The following TONSL variants were observed in gnomAD, a reference collection of about 807,000 sequenced individuals.
TONSL encodes the protein tonsoku-like protein.
TONSL carries 112 observed loss-of-function variants against 147.1 expected under a neutral mutation model. The ratio of observed to expected loss-of-function variants is 0.76; its 90% CI spans 0.65 to 0.89. The LOEUF (loss-of-function observed/expected upper bound fraction) is 0.89. TONSL is among the 40% of genes least tolerant of loss of function. TONSL has a pLI of 0.00. For missense variants in TONSL, 1,883 were observed against 1,864.6 expected (o/e 1.01, Z -0.18); for synonymous variants, 868 against 801.5 (o/e 1.08, Z -1.40).
intron 13 of TONSL, 169 bp downstream of exon 13, chr8:144,438,302 A>G (rs1328490552): frequency 4.6e-6 from 3 of 651,534 alleles, no homozygotes; most frequent in Non-Finnish European, 8.0e-6. Context: ...CCCTCCCAGG[A>G]TGAAGTGATC....
At chr8:144,439,469 C>G (rs1382086542) in intron 11 of TONSL, among the ~76,000 whole-genome samples, 2 of 152,174 alleles carry the variant, frequency 1.3e-5, no homozygotes, top group Admixed American at 6.5e-5. Context: ...GGAACACCCC[C>G]CAACAGGCCT....
Position 144,432,408 on chromosome 8 carries a change from AG to A in TONSL, c.3611del (p.Pro1204LeufsTer18), listed in dbSNP as rs782628825. Reference sequence around the variant, plus strand: ...GGCTCTGCAGGGTCCTGGCCAGGGCAGGGGCTCCCAGGGCGTTGTAGGACAG... The same window carrying A: ...GGCTCTGCAGGGTCCTGGCCAGGGCAGGGCTCCCAGGGCGTTGTAGGACAG... Reference protein sequence around the residue: ...LSLSYNALGAPALARTLQSLP... With the variant: ...LSLSYNALGAXALARTLQSLP... On this transcript the variant is annotated frameshift_variant, in exon 23 of 26. Transcript: ENST00000409379. LOFTEE classifies it high-confidence loss of function. 7 of 1,589,860 alleles carry A rather than the reference AG, an allele frequency of 4.4e-6. No homozygotes were observed. The Admixed American group carries it at 1.3e-4, about 29-fold the overall frequency.
intron 22 of TONSL, chr8:144,432,941 G>T (rs1490734681): frequency 6.4e-6 from 1 of 155,402 alleles, no homozygotes; most frequent in South Asian, 2.0e-4. Context: ...TGCTCTCGGT[G>T]TGTCCTGCGG....
At position 144,433,708 on chromosome 8, in the gene TONSL, G is replaced by A. The variant is rs1554879247; in HGVS notation, c.3439C>T (p.Gln1147Ter). 6.2e-7 allele frequency: 1 copy of A among 1,609,022 alleles called. No homozygotes were observed. Among genetic ancestry groups the A allele is most frequent in the Non-Finnish European group, 8.5e-7 (1 of 1,178,192 alleles). ...SMNPLGDGCGQSLASLLHACP... is the reference protein window; with the variant it reads ...SMNPLGDGCG ...GCGTGCAGGAGGGAGGCCAGGGACTGGCCACAGCCGTCCCCCAGGGGGTTC... is the reference window on the plus strand; with the variant it reads ...GCGTGCAGGAGGGAGGCCAGGGACTAGCCACAGCCGTCCCCCAGGGGGTTC... The change falls in exon 22 of 26, where the codon CAG (glutamine) becomes TAG (stop). Residue 1147 changes from glutamine (Q) to a stop codon, truncating the protein, a stop_gained. Transcript: ENST00000409379. LOFTEE classifies it high-confidence loss of function.
chr8:144,428,930 C>G lies in TONSL; in HGVS notation c.*213G>C. 2.0e-6 allele frequency: 1 copy of G among 502,314 alleles called. No individual in the cohort carries two copies. The highest frequency in any genetic ancestry group is 2.9e-5 in the South Asian group (1 of 34,390). The allele number at this position is 502,314 out of a possible 1,614,324, so 31.1% of individuals were successfully genotyped here. A position where few individuals can be genotyped will look rare whatever the true frequency, so the allele number is the denominator to read the frequency against. ...TCAGCCTCCGGAGTAGCTGGGACTACAGGCTTCCACCACCACGCCCGGCTA... is the reference window on the plus strand; with the variant it reads ...TCAGCCTCCGGAGTAGCTGGGACTAGAGGCTTCCACCACCACGCCCGGCTA... On this transcript the variant is annotated 3_prime_UTR_variant, in exon 26 of 26. Transcript: ENST00000409379.
chr8:144,444,108 C>A, intron 2 of TONSL, 72 bp downstream of exon 2: 5 of 1,303,894 alleles, frequency 3.8e-6, no homozygotes, highest in Non-Finnish European at 4.8e-6. Flanking sequence ...GAGCCCGTCG[C>A]CCCCCGGCCC....
rs781807417 is a variant in TONSL at position 144,434,184 on chromosome 8, G to C, written c.3181C>G (p.Pro1061Ala). 6.2e-7 allele frequency: 1 copy of C among 1,600,780 alleles called. No homozygotes were observed. Among genetic ancestry groups the C allele is most frequent in the Non-Finnish European group, 8.5e-7 (1 of 1,172,052 alleles). Residue 1061 changes from proline (P) to alanine (A), a missense_variant, in exon 21 of 26, where the codon CCC (proline) becomes GCC (alanine). By Grantham distance (27) the Pro-to-Ala change is conservative. Transcript: ENST00000409379. ...SLALDQAQLT[P>A]LLRALKLHTA... is the part of the protein sequence containing the mutation. ...TGCAGCTTGAGGGCCCGCAGCAGGG[G>C]TGTAAGCTGGGCCTGGTCCAGGGCC...
intron 11 of TONSL, 79 bp from the exon 12 acceptor site, chr8:144,438,814 CA>C: frequency 1.4e-6 from 2 of 1,456,832 alleles, no homozygotes; most frequent in East Asian, 4.8e-5. Context: ...GCAAGCTCCC[CA>C]AACTCCCAGG....
rs371792871 is a variant in TONSL, at chr8:144,431,125, G to C, written c.3762C>G (p.Thr1254=). Residue 1254 remains threonine, a synonymous_variant, in exon 24 of 26, where the codon ACC becomes ACG. Coordinates refer to ENST00000409379, the MANE Select transcript of TONSL (RefSeq NM_013432.5). ...TGTCCCCCAGGTGGTTTGCAGACAG[G>C]GTCAGGTGGGCTAGAGCACAGCCTT... ...AKEGCALAHL[T]LSANHLGDKA... 3.0e-4 allele frequency: 489 copies of C among 1,614,026 alleles called. No homozygotes were observed. The highest frequency in any genetic ancestry group is 3.9e-4 in the Non-Finnish European group (457 of 1,180,000).
chr8:144,431,641 T>C (rs1823197992), intron 23 of TONSL, among the ~76,000 whole-genome samples: 1 of 151,398 alleles, frequency 6.6e-6, no homozygotes, highest in Non-Finnish European at 1.5e-5. Context: ...GTCTCCCAAG[T>C]AGCTGGGACT....
In TONSL at chr8:144,434,149, G is replaced by A. The variant is rs371526843; in HGVS notation, c.3216C>T (p.Leu1072=). The change falls in exon 21 of 26, where the codon CTC becomes CTT. Residue 1072 remains leucine, a synonymous_variant. Transcript: ENST00000409379. ...LLRALKLHTA[L]RELRLAGNRL... ...GGTTCCCTGCCAGGCGCAGCTCCCG[G>A]AGTGCTGTGTGCAGCTTGAGGGCCC... is the stretch of plus-strand genomic sequence containing the variant. 9 of 1,611,370 alleles carry A rather than the reference G, an allele frequency of 5.6e-6. No homozygotes were observed. In the African/African-American group the frequency reaches 9.3e-5, roughly 17 times the overall value.
Position 144,434,014 on chromosome 8 carries a change from C to A in TONSL, c.3351G>T (p.Gln1117His). Residue 1117 changes from glutamine (Q) to histidine (H), a missense_variant, in exon 21 of 26, where the codon CAG becomes CAT. By Grantham distance (24) the Gln-to-His change is conservative. Coordinates refer to ENST00000409379, the MANE Select transcript of TONSL (RefSeq NM_013432.5). ...SNHLGPEGLR[Q>H]LAMGLPGQAT... ...CTTGGCCTGGGAGCCCCATGGCAAGCTGGCGCAGGCCTTCGGGACCCAGGT... is the reference window on the plus strand; with the variant it reads ...CTTGGCCTGGGAGCCCCATGGCAAGATGGCGCAGGCCTTCGGGACCCAGGT... 6.3e-7 allele frequency: 1 copy of A among 1,599,858 alleles called. No homozygotes were observed. Among genetic ancestry groups the A allele is most frequent in the Non-Finnish European group, 8.5e-7 (1 of 1,171,310 alleles).
At chr8:144,432,071 C>A (rs557686272) in intron 23 of TONSL, among the ~76,000 whole-genome samples, 3 of 152,142 alleles carry the variant, frequency 2.0e-5, no homozygotes, top group African/African-American at 7.2e-5. Context: ...TGTGATCCAC[C>A]CCCTTCGGCC....
Position 144,435,156 on chromosome 8 carries a change from G to C in TONSL, c.2867C>G (p.Ser956Cys), listed in dbSNP as rs1823387837. ...CGCCTGCTCGGCCAGCCAGGCCACA[G>C]AGTGGGTGTCACTGCTGCAGGGACA... The part of the protein sequence containing the change: ...IPVPHSSDTH[S>C]VAWLAEQAAQ... Residue 956 changes from serine (S) to cysteine (C), a missense_variant, in exon 19 of 26, where the codon TCT becomes TGT. Transcript: ENST00000409379. The C allele has an allele frequency of 6.4e-7, 1 of 1,559,316 alleles. No individual in the cohort carries two copies. Among genetic ancestry groups the C allele is most frequent in the Non-Finnish European group, 8.7e-7 (1 of 1,153,322 alleles).
rs756020176 is a variant in TONSL, at chr8:144,442,102, T to G, written c.800A>C (p.Lys267Thr). The G allele has an allele frequency of 1.2e-6, 2 of 1,612,682 alleles. No homozygotes were observed. Among genetic ancestry groups the G allele is most frequent in the Non-Finnish European group, 1.7e-6 (2 of 1,179,912 alleles). ...CTTCTGGGAGCCCAGCCTGTAGGCCTTCTTCAGGGCTCGCTTGGCAGCCAA... is the reference window on the plus strand; with the variant it reads ...CTTCTGGGAGCCCAGCCTGTAGGCCGTCTTCAGGGCTCGCTTGGCAGCCAA... Reference protein sequence around the residue: ...DFLAAKRALKKAYRLGSQKPV... With the variant: ...DFLAAKRALKTAYRLGSQKPV... Residue 267 changes from lysine (K) to threonine (T), a missense_variant, in exon 7 of 26, where the codon AAG becomes ACG. Coordinates refer to ENST00000409379, the MANE Select transcript of TONSL (RefSeq NM_013432.5).
At position 144,439,974 on chromosome 8, in the gene TONSL, C is replaced by G. The variant is rs564343981; in HGVS notation, c.1480+47G>C. Reference sequence around the variant, plus strand: ...CAGCACAGCACACCCCTCTCCAGCCCGGCCCAGAGCAGGCCCAGGGAAATG... The same window carrying G: ...CAGCACAGCACACCCCTCTCCAGCCGGGCCCAGAGCAGGCCCAGGGAAATG... On this transcript the variant is annotated intron_variant, in intron 11 of 25. Transcript: ENST00000409379. 4.9e-6 allele frequency: 4 copies of G among 823,270 alleles called. No individual in the cohort carries two copies. In the Admixed American group the frequency reaches 7.8e-5, roughly 16 times the overall value. The allele number at this position is 823,270 out of a possible 1,614,324, so 51.0% of individuals were successfully genotyped here.
Position 144,444,026 on chromosome 8 carries a change from T to C in TONSL, c.122-2A>G. The C allele has an allele frequency of 6.5e-7, 1 of 1,534,820 alleles. No homozygotes were observed. The highest frequency in any genetic ancestry group is 1.2e-5 in the South Asian group (1 of 83,856). On this transcript the variant is annotated splice_acceptor_variant, in intron 2 of 25. Coordinates refer to ENST00000409379, the MANE Select transcript of TONSL (RefSeq NM_013432.5). LOFTEE classifies it high-confidence loss of function. ...GCTCCAGAGCCTCGGCGTAGCGGCC[T>C]AGGCGGGGGCACAGCACGGCCTGGC... is the stretch of plus-strand genomic sequence containing the variant.
rs1265604810 is a variant in TONSL at position 144,441,004 on chromosome 8, C to T, written c.973G>A (p.Gly325Arg). 6.2e-7 allele frequency: 1 copy of T among 1,613,214 alleles called. No individual in the cohort carries two copies. Among genetic ancestry groups the T allele is most frequent in the South Asian group, 1.1e-5 (1 of 91,090 alleles). ...EQLGDLFSKA[G>R]DFPRAAEAYQ... ...GCCTCAGCTGCCCTGGGAAAGTCTC[C>T]TGCCTTGGAGAAGAGGTCCCCTAGC... is the stretch of plus-strand genomic sequence containing the variant. Residue 325 changes from glycine to arginine, a missense_variant, in exon 8 of 26, where the codon GGA becomes AGA. Transcript: ENST00000409379.
chr8:144,435,683 T>C lies in TONSL; in HGVS notation c.2750A>G (p.Asp917Gly). 6.2e-7 allele frequency: 1 copy of C among 1,608,240 alleles called. No homozygotes were observed. The highest frequency in any genetic ancestry group is 8.5e-7 in the Non-Finnish European group (1 of 1,176,444). Residue 917 changes from aspartate to glycine, a missense_variant, in exon 17 of 26, where the codon GAC (aspartate) becomes GGC (glycine). Coordinates refer to ENST00000409379, the MANE Select transcript of TONSL (RefSeq NM_013432.5). ...STPRVSEPSG[D>G]SSAAGQPLGP... ...CAAGGGCTGGCCTGCCGCAGAGCTG[T>C]CCCCACTGGGCTCTGAGACCCTGGG...
Sources: gnomAD v4.1 joint callset for allele counts (sites outside exome capture counted in the v4.1 genomes callset) on GRCh38, gnomAD v4.1.1 for gene constraint, MANE v1.5 for transcripts, NCBI Gene and HGNC (gene_info 2026-07-23, HGNC 2026-07-21) for gene names.